The following SHANK1 variants were observed in gnomAD, a reference collection of about 807,000 sequenced individuals.
SHANK1 encodes the protein SH3 and multiple ankyrin repeat domains 1, also known as SH3 and multiple ankyrin repeat domains protein 1.
SHANK1 carries 35 observed loss-of-function variants against 165.6 expected under a neutral mutation model. The ratio of observed to expected loss-of-function variants is 0.21; its 90% CI spans 0.16 to 0.28. The LOEUF (loss-of-function observed/expected upper bound fraction) is 0.28, where lower values mean the gene tolerates loss of function less well. Ranked by LOEUF, SHANK1 falls within the 10% of genes least tolerant of loss-of-function variation. SHANK1 has a pLI of 1.00. For missense variants in SHANK1, 2,681 were observed against 3,036.4 expected, an observed-to-expected ratio of 0.88 and a Z score of 2.75; for synonymous variants, 1,428 against 1,384.8, an observed-to-expected ratio of 1.03 and a Z score of -0.69.
rs1034301546 is a variant in SHANK1 at position 50,661,209 on chromosome 19, G to GGA, written c.*754_*755dup. Among the ~76,000 whole-genome samples, 1 of 152,076 alleles carries GGA rather than the reference G, an allele frequency of 6.6e-6. No homozygotes were observed. Among genetic ancestry groups the GGA allele is most frequent in the Non-Finnish European group, 1.5e-5 (1 of 68,016 alleles). ...AACAAGGGTCCAGAGCGAGCGGGGA[G>GGA]GAGGAGATGTGAAATGGAGTGTGTA... On this transcript the variant is annotated 3_prime_UTR_variant, in exon 24 of 24. Transcript: ENST00000293441.
At chr19:50,700,393 GATTGGAGGACTTGGGGCATTGGAGA>G (rs1986882313) in intron 12 of SHANK1, among the ~76,000 whole-genome samples, 1 of 151,692 alleles carries the variant, frequency 6.6e-6, no homozygotes, top group South Asian at 2.1e-4. Flanking sequence ...GGCATTGGGA[GATTGGAGGACTTGGGGCATTGGAGA>G]ATTGGAGGGC....
rs751036665 is a variant in SHANK1 at position 50,716,233 on chromosome 19, G to A, written c.459+42C>T. On this transcript the variant is annotated intron_variant, in intron 3 of 23. Coordinates refer to ENST00000293441, the MANE Select transcript of SHANK1 (RefSeq NM_016148.5). This position sits in a 1 kb window ranked among gnomAD's most constrained non-coding sequence, Gnocchi z 8.4. Reference sequence around the variant, plus strand: ...GGGTGGGGGGCAGATGTGTTTTAGGGCATGCCTTCTCTTATCAGTGAAGGA... The same window carrying A: ...GGGTGGGGGGCAGATGTGTTTTAGGACATGCCTTCTCTTATCAGTGAAGGA... 1.3e-6 allele frequency: 2 copies of A among 1,578,118 alleles called. No individual in the cohort carries two copies. The highest frequency in any genetic ancestry group is 2.7e-5 in the African/African-American group (2 of 74,218).
rs375437481 is a variant in SHANK1 at position 50,680,159 on chromosome 19, A to G, written c.2577+6078T>C. Among the ~76,000 whole-genome samples the G allele has an allele frequency of 5.3e-5, 8 of 152,068 alleles. No homozygotes were observed. The South Asian group carries it at 1.7e-3, about 32-fold the overall frequency. ...GAAACAGGGAGGGATGGGAAGAGAA[A>G]GATAGGGAGAGTGAGAGAGGCGAAG... On this transcript the variant is annotated intron_variant, in intron 21 of 23. Coordinates refer to ENST00000293441, the MANE Select transcript of SHANK1 (RefSeq NM_016148.5).
At chr19:50,704,321 C>G in intron 9 of SHANK1, 116 bp downstream of exon 9, 5 of 1,315,506 alleles carry the variant, frequency 3.8e-6, no homozygotes, top group Admixed American at 1.7e-5. Flanking sequence ...CTTCCAGCTC[C>G]CCCTCCACGG....
chr19:50,675,053 C>G (rs960474612), intron 21 of SHANK1, among the ~76,000 whole-genome samples: 2 of 128,424 alleles, frequency 1.6e-5, no homozygotes, highest in African/African-American at 6.3e-5. Flanking sequence ...TAGAGCAACA[C>G]TCGGTCTCAA....
At position 50,697,742 on chromosome 19, in the gene SHANK1, C is replaced by T; in HGVS notation, c.1862-78G>A. 6.5e-7 allele frequency: 1 copy of T among 1,542,346 alleles called. No homozygotes were observed. Among genetic ancestry groups the T allele is most frequent in the Non-Finnish European group, 9.0e-7 (1 of 1,115,980 alleles). On this transcript the variant is annotated intron_variant, in intron 13 of 23. Transcript: ENST00000293441. This position sits in a 1 kb window ranked among gnomAD's most constrained non-coding sequence, Gnocchi z 4.7. ...CAGCCCTAGAGCTCCTGGCCCAAGT[C>T]TTCCCATCTACCTCCCAGTACCCCA...
At position 50,688,248 on chromosome 19, in the gene SHANK1, G is replaced by A. The variant is rs1367791867; in HGVS notation, c.2173-190C>T. 6.6e-6 allele frequency among the ~76,000 whole-genome samples: 1 copy of A among 152,006 alleles called. No homozygotes were observed. The highest frequency in any genetic ancestry group is 2.4e-5 in the African/African-American group (1 of 41,400). ...CCCTTTCCCACCCTCCCTGGCCCCA[G>A]GGTTGGGGGAGAGGCTCAGCCTACC... On this transcript the variant is annotated intron_variant, in intron 17 of 23. Transcript: ENST00000293441. This position sits in a 1 kb window ranked among gnomAD's most constrained non-coding sequence, Gnocchi z 6.7.
At chr19:50,687,763 A>T in intron 18 of SHANK1, 101 bp from the exon 19 acceptor site, 1 of 1,340,500 alleles carries the variant, frequency 7.5e-7, no homozygotes, top group Non-Finnish European at 1.0e-6. Context: ...AGCCATTGCC[A>T]GCGTGCGGAG....
chr19:50,666,555 G>A lies in SHANK1; in HGVS notation c.5405C>T (p.Ala1802Val). 6.3e-7 allele frequency: 1 copy of A among 1,598,264 alleles called. No homozygotes were observed. Among genetic ancestry groups the A allele is most frequent in the Non-Finnish European group, 8.5e-7 (1 of 1,174,746 alleles). Reference protein sequence around the residue: ...AGTDGLLALRACSGPPTAGVA... With the variant: ...AGTDGLLALRVCSGPPTAGVA... Reference sequence around the variant, plus strand: ...GCCTGCCGTGGGGGGTCCTGAACAAGCACGCAGGGCCAGCAGCCCATCGGT... The same window carrying A: ...GCCTGCCGTGGGGGGTCCTGAACAAACACGCAGGGCCAGCAGCCCATCGGT... Residue 1802 changes from alanine to valine, a missense_variant, in exon 23 of 24, where the codon GCT (alanine) becomes GTT (valine). Physicochemically the swap from Ala to Val is moderately conservative, Grantham distance 64. This residue lies in a region of SHANK1 where 1,713 missense variants were observed against 1,630.2 expected (regional missense o/e 1.05). Transcript: ENST00000293441.
intron 22 of SHANK1, 46 bp from the exon 23 acceptor site, chr19:50,669,331 GT>G: frequency 7.6e-7 from 1 of 1,321,402 alleles, no homozygotes; most frequent in Non-Finnish European, 1.1e-6. Context: ...GGCGGGGAGG[GT>G]CTCCCTGCTC....
At position 50,668,902 on chromosome 19, in the gene SHANK1, G is replaced by A. The variant is rs552993875; in HGVS notation, c.3058C>T (p.Pro1020Ser). Residue 1020 changes from proline to serine, a missense_variant, in exon 23 of 24, where the codon CCC (proline) becomes TCC (serine). Around this residue, in one of 10 missense-constraint regions of SHANK1, gnomAD observed 1,713 missense variants for 1,630.2 expected, o/e 1.05. Coordinates refer to ENST00000293441, the MANE Select transcript of SHANK1 (RefSeq NM_016148.5). ...GTCTCCATCTCGGGAGGATGAGGGGGGTGGGCGTGGTGGTGGTGGGGCTGA... is the reference window on the plus strand; with the variant it reads ...GTCTCCATCTCGGGAGGATGAGGGGAGTGGGCGTGGTGGTGGTGGGGCTGA... ...PPQPHHHHAH[P>S]PHPPEMETGG... 3.3e-5 allele frequency: 43 copies of A among 1,298,186 alleles called. No homozygotes were observed. The highest frequency in any genetic ancestry group is 1.9e-4 in the East Asian group (6 of 32,192). 80.4% of individuals were successfully genotyped at this position (1,298,186 alleles called of 1,614,324 possible).
chr19:50,677,790 C>G (rs1310844017), intron 21 of SHANK1, among the ~76,000 whole-genome samples: 1 of 152,212 alleles, frequency 6.6e-6, no homozygotes, highest in African/African-American at 2.4e-5. Context: ...CAGGAGGTGT[C>G]GCCTGAAGGC....
At chr19:50,700,030 G>A (rs1986863291) in intron 12 of SHANK1, among the ~76,000 whole-genome samples, 1 of 87,172 alleles carries the variant, frequency 1.1e-5, no homozygotes, top group Non-Finnish European at 2.4e-5. Context: ...GGCATTGGAG[G>A]ATTGGAGGGC....
intron 15 of SHANK1, among the ~76,000 whole-genome samples, chr19:50,689,618 C>A (rs1986480534): frequency 6.6e-6 from 1 of 152,176 alleles, no homozygotes; most frequent in Non-Finnish European, 1.5e-5. Context: ...CTGCTAGTCA[C>A]TTCCTGCCTA....
At position 50,702,501 on chromosome 19, in the gene SHANK1, C is replaced by A. The variant is rs533737278; in HGVS notation, c.1713G>T (p.Gly571=). The change falls in exon 12 of 24, where the codon GGG becomes GGT. Residue 571 remains glycine (G), a synonymous_variant. Transcript: ENST00000293441. This position sits in a 1 kb window ranked among gnomAD's most constrained non-coding sequence, Gnocchi z 5.3. ...AVKSYQAQAE[G]EISLSKGEKI... ...TCTCGCCCTTGCTCAGGGAGATCTC[C>A]CCCTCGGCTTGGGCCTGGTAGGACT... The A allele has an allele frequency of 6.2e-7, 1 of 1,613,176 alleles. No individual in the cohort carries two copies. Among genetic ancestry groups the A allele is most frequent in the Non-Finnish European group, 8.5e-7 (1 of 1,179,774 alleles).
rs756103630 is a variant in SHANK1, at chr19:50,713,980, G to A, written c.641-31C>T. On this transcript the variant is annotated intron_variant, in intron 5 of 23. Transcript: ENST00000293441. This position sits in a 1 kb window ranked among gnomAD's most constrained non-coding sequence, Gnocchi z 6.2. ...GGGCGGGAAAAGCTGGTCACATGAA[G>A]CCCCTTCTCCTCCCCTCCATCCCTT... The A allele has an allele frequency of 6.2e-7, 1 of 1,612,030 alleles. No individual in the cohort carries two copies.
At chr19:50,674,820 G>A (rs770210967) in intron 21 of SHANK1, among the ~76,000 whole-genome samples, 9 of 152,044 alleles carry the variant, frequency 5.9e-5, no homozygotes, top group Non-Finnish European at 8.8e-5. Context: ...CCAGCACTTC[G>A]GGAGGCCAAG....
At position 50,660,906 on chromosome 19, in the gene SHANK1, A is replaced by G. The variant is rs1489335018; in HGVS notation, c.*1059T>C. Among the ~76,000 whole-genome samples, 1 of 149,038 alleles carries G rather than the reference A, an allele frequency of 6.7e-6. No individual in the cohort carries two copies. Among genetic ancestry groups the G allele is most frequent in the Non-Finnish European group, 1.5e-5 (1 of 67,316 alleles). On this transcript the variant is annotated 3_prime_UTR_variant, in exon 24 of 24. Coordinates refer to ENST00000293441, the MANE Select transcript of SHANK1 (RefSeq NM_016148.5). Reference sequence around the variant, plus strand: ...GGCAAGTGTGCAAAAGGCGTGACCAAAAGTGACGGTGCAAAAGGGGCAAGA... The same window carrying G: ...GGCAAGTGTGCAAAAGGCGTGACCAGAAGTGACGGTGCAAAAGGGGCAAGA...
At position 50,666,202 on chromosome 19, in the gene SHANK1, G is replaced by A; in HGVS notation, c.5758C>T (p.Gln1920Ter). Reference sequence around the variant, plus strand: ...CCAGCCCCCGCTTACCTCTGCCGCTGCAGGGAGGAGGTCCTCTCGGGGACA... The same window carrying A: ...CCAGCCCCCGCTTACCTCTGCCGCTACAGGGAGGAGGTCCTCTCGGGGACA... ...SYVPERTSSL[Q>*]RQRLSDDSQS... Residue 1920 changes from glutamine to a stop codon, truncating the protein, a stop_gained, in exon 23 of 24, where the codon CAG (glutamine) becomes TAG (stop). Transcript: ENST00000293441. LOFTEE classifies it high-confidence loss of function. 1 of 1,597,210 alleles carries A rather than the reference G, an allele frequency of 6.3e-7. No individual in the cohort carries two copies. Among genetic ancestry groups the A allele is most frequent in the Admixed American group, 1.7e-5 (1 of 58,142 alleles).
Sources: allele counts gnomAD v4.1 joint callset (sites outside exome capture counted in the v4.1 genomes callset), GRCh38; gene constraint gnomAD v4.1.1; regional missense constraint gnomAD v4.1.1; non-coding constraint Gnocchi (gnomAD v3.1); transcripts MANE v1.5; gene names NCBI Gene and HGNC (gene_info 2026-07-23, HGNC 2026-07-21).